RIMS1: variants seen among roughly 807,000 people sequenced by gnomAD.
RIMS1 encodes regulating synaptic membrane exocytosis protein 1.
In RIMS1, 83 loss-of-function variants were observed where a neutral mutation model predicts 214.1. That is an observed-to-expected ratio of 0.39 (90% CI 0.32 to 0.47). The LOEUF (loss-of-function observed/expected upper bound fraction) is 0.47, where lower values mean the gene tolerates loss of function less well. RIMS1 is among the 20% of genes least tolerant of loss of function. The pLI, the probability that RIMS1 is intolerant of heterozygous loss-of-function variation, is 0.99. For missense variants in RIMS1, 2,050 were observed against 2,161.8 expected (o/e 0.95, Z 1.03); for synonymous variants, 793 against 786.8 (o/e 1.01, Z -0.13).
chr6:72,284,231 G>A, intron 24 of RIMS1, 113 bp downstream of exon 24: 1 of 800,102 alleles, frequency 1.2e-6, no homozygotes, highest in Non-Finnish European at 2.0e-6. Flanking sequence ...GATGTTTAAA[G>A]GCATTCATGT....
intron 28 of RIMS1, among the ~76,000 whole-genome samples, chr6:72,319,770 A>G (rs1046923211): frequency 4.6e-5 from 7 of 152,098 alleles, no homozygotes; most frequent in East Asian, 1.9e-4. Context: ...AACAAAACAC[A>G]TGATTCCTAG....
intron 11 of RIMS1, among the ~76,000 whole-genome samples, 179 bp from the exon 12 acceptor site, chr6:72,247,836 G>A (rs1158367800): frequency 1.3e-5 from 2 of 151,926 alleles, no homozygotes; most frequent in African/African-American, 2.4e-5. Context: ...ATAATACTTC[G>A]TTATATCATT....
At chr6:71,950,637 G>A (rs1003707512) in intron 1 of RIMS1, among the ~76,000 whole-genome samples, 2 of 152,128 alleles carry the variant, frequency 1.3e-5, no homozygotes, top group African/African-American at 4.8e-5. Flanking sequence ...GAATAATTTT[G>A]GAAGTTTCTT....
intron 6 of RIMS1, among the ~76,000 whole-genome samples, chr6:72,190,004 C>T (rs1318216733): frequency 1.3e-5 from 2 of 152,182 alleles, no homozygotes; most frequent in African/African-American, 2.4e-5. Context: ...TCTTCCAAGT[C>T]CCTGACCATC....
At chr6:71,933,719 A>AC (rs1554212097) in intron 1 of RIMS1, among the ~76,000 whole-genome samples, 6 of 82,742 alleles carry the variant, frequency 7.3e-5, no homozygotes, top group Non-Finnish European at 1.6e-4. Context: ...CACACACACA[A>AC]GTTGTATTAA....
intron 2 of RIMS1, among the ~76,000 whole-genome samples, chr6:71,992,727 A>G (rs1584386999): frequency 1.3e-5 from 2 of 151,714 alleles, no homozygotes; most frequent in African/African-American, 4.8e-5. Context: ...ATCACAGCTC[A>G]TGGCTCACTG....
At chr6:72,374,326 A>G (rs2098311922) in intron 29 of RIMS1, among the ~76,000 whole-genome samples, 1 of 152,176 alleles carries the variant, frequency 6.6e-6, no homozygotes, top group Non-Finnish European at 1.5e-5. Context: ...ATGTTTTGTT[A>G]TTTAGTACCT....
intron 2 of RIMS1, among the ~76,000 whole-genome samples, chr6:72,055,827 G>T (rs192637232): frequency 4.8e-4 from 73 of 152,286 alleles, no homozygotes; most frequent in African/African-American, 1.7e-3. Context: ...ATGTAAATTA[G>T]TTTATCCATT....
chr6:72,152,820 GAATATATGTATATATATGT>G (rs2043839935), intron 4 of RIMS1, among the ~76,000 whole-genome samples: 1 of 57,496 alleles, frequency 1.7e-5, no homozygotes, highest in African/African-American at 1.1e-4. Context: ...TATATATATG[GAATATATGTATATATATGT>G]ATATATGGAA....
chr6:72,096,162 T>C (rs1461695887), intron 2 of RIMS1, among the ~76,000 whole-genome samples: 1 of 152,224 alleles, frequency 6.6e-6, no homozygotes, highest in Non-Finnish European at 1.5e-5. Context: ...AGTCAGTAGT[T>C]AATCAGGAGT....
chr6:71,956,084 T>A (rs1936020), intron 1 of RIMS1, among the ~76,000 whole-genome samples: 7,685 of 151,998 alleles, frequency 0.051, 341 homozygotes, highest in East Asian at 0.19. Context: ...TATAGTTATT[T>A]GCCTAAAAAA....
chr6:72,188,302 T>A (rs2049468070), intron 6 of RIMS1, among the ~76,000 whole-genome samples: 1 of 152,182 alleles, frequency 6.6e-6, no homozygotes, highest in Non-Finnish European at 1.5e-5. Flanking sequence ...TCTGAAATCA[T>A]ATGTAATCTT....
At chr6:72,253,512 C>G (rs1377877098) in intron 16 of RIMS1, among the ~76,000 whole-genome samples, 1 of 151,974 alleles carries the variant, frequency 6.6e-6, no homozygotes, top group African/African-American at 2.4e-5. Context: ...ACTTTCTTGG[C>G]ACTAATTCTA....
chr6:71,994,396 A>G (rs1802768390), intron 2 of RIMS1, among the ~76,000 whole-genome samples: 1 of 152,180 alleles, frequency 6.6e-6, no homozygotes, highest in South Asian at 2.1e-4. Flanking sequence ...ACTACTAGAT[A>G]ATTGTCATTG....
intron 6 of RIMS1, among the ~76,000 whole-genome samples, chr6:72,189,291 G>C (rs1351625581): frequency 6.6e-6 from 1 of 152,198 alleles, no homozygotes; most frequent in Non-Finnish European, 1.5e-5. Context: ...CCATTCCACT[G>C]TTCTATCAAT....
intron 1 of RIMS1, among the ~76,000 whole-genome samples, chr6:71,890,698 T>A (rs894389058): frequency 1.3e-5 from 2 of 151,520 alleles, no homozygotes; most frequent in African/African-American, 4.9e-5. Context: ...TATTGGAATA[T>A]AATGTAAATA....
chr6:71,989,762 G>A (rs998169059), intron 2 of RIMS1, among the ~76,000 whole-genome samples: 16 of 152,180 alleles, frequency 1.1e-4, no homozygotes, highest in African/African-American at 3.9e-4. Context: ...TAGTTAGAAA[G>A]ATAAGGCCCT....
intron 28 of RIMS1, 90 bp downstream of exon 28, chr6:72,313,762 G>A: frequency 7.6e-7 from 1 of 1,320,150 alleles, no homozygotes; most frequent in Non-Finnish European, 1.0e-6. Flanking sequence ...CTATAATACA[G>A]TTTAGGTCAC....
chr6:72,197,638 A>G (rs2051207665), intron 6 of RIMS1, among the ~76,000 whole-genome samples: 1 of 152,144 alleles, frequency 6.6e-6, no homozygotes, highest in Non-Finnish European at 1.5e-5. Context: ...ATACAAGATT[A>G]TATGACCAAA....
Sources: allele counts gnomAD v4.1 joint callset (sites outside exome capture counted in the v4.1 genomes callset), GRCh38; gene constraint gnomAD v4.1.1; transcripts MANE v1.5; gene names NCBI Gene and HGNC (gene_info 2026-07-23, HGNC 2026-07-21).